Variants in ANK3 observed in about 807,000 individuals in gnomAD.
ANK3 encodes ankyrin 3.
A neutral mutation model predicts 370.9 loss-of-function variants in ANK3; 57 were observed. The observed-to-expected ratio is 0.15, with a 90% CI of 0.12 to 0.19. The LOEUF (loss-of-function observed/expected upper bound fraction) is 0.19, where lower values mean the gene tolerates loss of function less well. ANK3 is among the 10% of genes least tolerant of loss of function. The pLI is 1.00. For missense variants in ANK3, 4,439 were observed against 5,302.1 expected (o/e 0.84, Z 5.06); for synonymous variants, 1,929 against 1,946.3 (o/e 0.99, Z 0.23).
chr10:60,238,077 C>T (rs562947862), intron 7 of ANK3, among the ~76,000 whole-genome samples: 4 of 152,174 alleles, frequency 2.6e-5, no homozygotes, highest in Non-Finnish European at 5.9e-5. Context: ...ACTTTTTACT[C>T]CTGAATCATA....
chr10:60,174,553 C>T (rs2095874599), intron 18 of ANK3, among the ~76,000 whole-genome samples: 1 of 152,106 alleles, frequency 6.6e-6, no homozygotes, highest in Admixed American at 6.5e-5. Context: ...ATTGAAGTAA[C>T]ATTATTTCCA....
intron 7 of ANK3, among the ~76,000 whole-genome samples, chr10:60,241,176 A>G (rs1006964211): frequency 3.3e-5 from 5 of 151,054 alleles, no homozygotes; most frequent in African/African-American, 1.2e-4. Context: ...AAATATGATG[A>G]TTTTTTTTCC....
At chr10:60,257,771 C>T (rs2097758838) in intron 7 of ANK3, among the ~76,000 whole-genome samples, 1 of 152,114 alleles carries the variant, frequency 6.6e-6, no homozygotes, top group South Asian at 2.1e-4. Flanking sequence ...TGTAAACCAC[C>T]CGAAATCTTT....
In ANK3 at chr10:60,358,019, A is replaced by G. The variant is rs140569712; in HGVS notation, c.114+31406T>C. On this transcript the variant is annotated intron_variant, in intron 1 of 43. Coordinates refer to ENST00000280772, the MANE Select transcript of ANK3 (RefSeq NM_020987.5). The stretch of plus-strand genomic sequence containing the variant: ...TATCTCCTGTCCCTTTTACATTGTC[A>G]ATTTCTCCATCTCTACAGTCATCTT... Among the ~76,000 whole-genome samples the G allele has an allele frequency of 2.1e-3, 317 of 151,840 alleles. 2 individuals are homozygous for G. Among genetic ancestry groups the G allele is most frequent in the African/African-American group, 7.4e-3 (305 of 41,402 alleles).
At chr10:60,351,704 C>A (rs2056899564) in intron 1 of ANK3, among the ~76,000 whole-genome samples, 1 of 152,074 alleles carries the variant, frequency 6.6e-6, no homozygotes, top group Admixed American at 6.5e-5. Context: ...GACTCTGAAA[C>A]AATCAAGACA....
intron 24 of ANK3, among the ~76,000 whole-genome samples, chr10:60,137,031 C>T (rs2094374649): frequency 6.6e-6 from 1 of 152,110 alleles, no homozygotes; most frequent in Non-Finnish European, 1.5e-5. Flanking sequence ...AACAGCCCTT[C>T]ACATCAGGAC....
At chr10:60,713,805 A>G (rs2079743474) in intron 1 of ANK3, among the ~76,000 whole-genome samples, 1 of 151,968 alleles carries the variant, frequency 6.6e-6, no homozygotes. Flanking sequence ...CAAGAGAATC[A>G]CTTGAACCTG....
At chr10:60,208,014 A>G in intron 10 of ANK3, 22 bp downstream of exon 10, 4 of 1,607,532 alleles carry the variant, frequency 2.5e-6, no homozygotes, top group Non-Finnish European at 2.6e-6. Flanking sequence ...CTGAGGCTGG[A>G]CTCGCTGGTT....
intron 1 of ANK3, among the ~76,000 whole-genome samples, chr10:60,360,737 A>T (rs1484242516): frequency 6.6e-6 from 1 of 152,090 alleles, no homozygotes; most frequent in Non-Finnish European, 1.5e-5. Flanking sequence ...TTTTCCTTCT[A>T]GTGACAGGAT....
chr10:60,640,984 T>A lies in ANK3; in HGVS notation c.58-25760A>T, dbSNP rs1342447666. Among the ~76,000 whole-genome samples, 3 of 140,612 alleles carry A rather than the reference T, an allele frequency of 2.1e-5. No homozygotes were observed. The East Asian group carries it at 6.1e-4, about 28-fold the overall frequency. 92.2% of individuals were successfully genotyped at this position (140,612 alleles called of 152,430 possible). A position where few individuals can be genotyped will look rare whatever the true frequency, so the allele number is the denominator to read the frequency against. On this transcript the variant is annotated intron_variant, in intron 1 of 43. Transcript: ENST00000373827. ...AATCACAAGCATTCTTATATACCAA[T>A]AACAGACAAACGGAGAGCCAAATCA...
chr10:60,649,446 G>A (rs1033257320), intron 1 of ANK3, among the ~76,000 whole-genome samples: 2 of 152,060 alleles, frequency 1.3e-5, no homozygotes, highest in African/African-American at 4.8e-5. Context: ...TAACATCCTA[G>A]ATAAGTATCT....
intron 1 of ANK3, among the ~76,000 whole-genome samples, chr10:60,306,810 G>A (rs1182750697): frequency 1.3e-5 from 2 of 152,176 alleles, no homozygotes; most frequent in African/African-American, 2.4e-5. Context: ...ACTGTATTCC[G>A]TGAACAAGCA....
At position 60,167,656 on chromosome 10, in the gene ANK3, G is replaced by GT. The variant is rs139178305; in HGVS notation, c.2479-761dup. Among the ~76,000 whole-genome samples, 778 of 146,822 alleles carry GT rather than the reference G, an allele frequency of 5.3e-3. 5 individuals are homozygous for GT. The highest frequency in any genetic ancestry group is 0.017 in the African/African-American group (692 of 39,760). On this transcript the variant is annotated intron_variant, in intron 21 of 43. Coordinates refer to ENST00000280772, the MANE Select transcript of ANK3 (RefSeq NM_020987.5). ...CTTAATGACCTTAGTTTAAAAGTGAGTTTTTTTTTTGTTTTGTTTTGTTTT... is the reference window on the plus strand; with the variant it reads ...CTTAATGACCTTAGTTTAAAAGTGAGTTTTTTTTTTTGTTTTGTTTTGTTTT...
intron 1 of ANK3, among the ~76,000 whole-genome samples, chr10:60,724,055 A>T (rs1259662108): frequency 2.3e-5 from 3 of 130,996 alleles, no homozygotes; most frequent in Non-Finnish European, 5.0e-5. Context: ...CTAAAAATAC[A>T]AAAAATTAGC....
intron 16 of ANK3, among the ~76,000 whole-genome samples, chr10:60,194,485 C>A (rs551889825): frequency 2.6e-5 from 4 of 152,350 alleles, no homozygotes; most frequent in African/African-American, 4.8e-5. Flanking sequence ...CTATATACAT[C>A]ATATAAGTAG....
chr10:60,152,202 A>G (rs1433980660), intron 23 of ANK3, among the ~76,000 whole-genome samples: 1 of 152,226 alleles, frequency 6.6e-6, no homozygotes, highest in East Asian at 1.9e-4. Context: ...AGTTTGAAAG[A>G]AAATATAAAA....
intron 4 of ANK3, among the ~76,000 whole-genome samples, chr10:60,275,380 A>G (rs1241910054): frequency 6.6e-5 from 10 of 152,162 alleles, no homozygotes; most frequent in Non-Finnish European, 1.5e-4. Context: ...ATCAAAATGA[A>G]ATAATAAGTA....
At chr10:60,259,304 T>A (rs887005628) in intron 7 of ANK3, among the ~76,000 whole-genome samples, 3 of 152,076 alleles carry the variant, frequency 2.0e-5, no homozygotes, top group African/African-American at 7.2e-5. Context: ...GAAGCATAGC[T>A]CATTTGGGAA....
At chr10:60,351,938 C>A (rs2056945502) in intron 1 of ANK3, among the ~76,000 whole-genome samples, 1 of 152,048 alleles carries the variant, frequency 6.6e-6, no homozygotes. Flanking sequence ...AAAAAAAATA[C>A]CACTATAAAA....
Sources: allele counts gnomAD v4.1 joint callset (sites outside exome capture counted in the v4.1 genomes callset), GRCh38; gene constraint gnomAD v4.1.1; transcripts MANE v1.5; gene names NCBI Gene and HGNC (gene_info 2026-07-23, HGNC 2026-07-21).